The following NUP37 variants were observed in gnomAD, a reference collection of about 807,000 sequenced individuals.
NUP37 encodes the protein nucleoporin Nup37.
NUP37 carries 33 observed loss-of-function variants against 45.4 expected under a neutral mutation model. The observed-to-expected ratio is 0.73, with a 90% confidence interval of 0.55 to 0.97. The LOEUF (loss-of-function observed/expected upper bound fraction) is 0.97. NUP37 is among the 50% of genes least tolerant of loss of function. The probability of loss-of-function intolerance (pLI) is 0.00; values close to 1 mark genes in which losing one functional copy is unlikely to be tolerated. For synonymous variants in NUP37, 127 were observed against 130.7 expected, an observed-to-expected ratio of 0.97 and a Z score of 0.19; for missense variants, 365 against 389.7, an observed-to-expected ratio of 0.94 and a Z score of 0.53.
At chr12:102,100,168 AT>A (rs1421388766) in intron 4 of NUP37, among the ~76,000 whole-genome samples, 1 of 152,204 alleles carries the variant, frequency 6.6e-6, no homozygotes. Context: ...TTTATGTGCC[AT>A]TTATATACTT....
chr12:102,101,653 A>G (rs971633604), intron 3 of NUP37, among the ~76,000 whole-genome samples: 2 of 152,198 alleles, frequency 1.3e-5, no homozygotes, highest in Non-Finnish European at 2.9e-5. Context: ...TTATACTTTA[A>G]ACATTTAAAA....
intron 1 of NUP37, chr12:102,119,096 G>A (rs1460161865): frequency 1.3e-5 from 2 of 152,278 alleles, no homozygotes; most frequent in East Asian, 3.8e-4. Flanking sequence ...TTCATTGTGT[G>A]TGGAGAACCA....
chr12:102,097,605 G>A (rs1431418765), intron 5 of NUP37, among the ~76,000 whole-genome samples: 1 of 152,130 alleles, frequency 6.6e-6, no homozygotes, highest in Non-Finnish European at 1.5e-5. Flanking sequence ...TGTGATCCTA[G>A]GTCTCTCCGG....
At chr12:102,118,312 C>G (rs1483640059) in intron 2 of NUP37, 51 bp downstream of exon 2, 1 of 1,513,806 alleles carries the variant, frequency 6.6e-7, no homozygotes, top group South Asian at 1.3e-5. Flanking sequence ...TGTAAGTTCT[C>G]TTAGTAGTGA....
At chr12:102,114,149 T>C (rs1386077250) in intron 2 of NUP37, among the ~76,000 whole-genome samples, 1 of 152,218 alleles carries the variant, frequency 6.6e-6, no homozygotes, top group African/African-American at 2.4e-5. Context: ...TTAAAATAAG[T>C]TTAGGAGCCT....
intron 6 of NUP37, among the ~76,000 whole-genome samples, chr12:102,084,543 C>T (rs1307629488): frequency 6.6e-6 from 1 of 151,970 alleles, no homozygotes; most frequent in Admixed American, 6.6e-5. Context: ...ACTCGGGAGG[C>T]TGAGATGGGA....
At chr12:102,113,976 G>A (rs546595465) in intron 2 of NUP37, among the ~76,000 whole-genome samples, 1 of 152,016 alleles carries the variant, frequency 6.6e-6, no homozygotes, top group East Asian at 1.9e-4. Context: ...TCAAATTTCA[G>A]GTGAACTTAA....
At chr12:102,081,316 T>C (rs1879326164) in intron 6 of NUP37, among the ~76,000 whole-genome samples, 1 of 152,236 alleles carries the variant, frequency 6.6e-6, no homozygotes, top group African/African-American at 2.4e-5. Flanking sequence ...TTATGACAAA[T>C]CTTTTTTTGG....
At chr12:102,107,359 T>A (rs1008552688) in intron 3 of NUP37, among the ~76,000 whole-genome samples, 2 of 152,196 alleles carry the variant, frequency 1.3e-5, no homozygotes, top group Admixed American at 1.3e-4. Flanking sequence ...TCTAGGCTAG[T>A]CAGCTTCCCT....
chr12:102,081,979 T>C (rs1352768656), intron 6 of NUP37, among the ~76,000 whole-genome samples: 3 of 152,208 alleles, frequency 2.0e-5, no homozygotes, highest in Non-Finnish European at 2.9e-5. Flanking sequence ...ATTACAGGCA[T>C]GAGCCACTGC....
chr12:102,099,327 A>C, intron 4 of NUP37, 127 bp from the exon 5 acceptor site: 1 of 672,340 alleles, frequency 1.5e-6, no homozygotes, highest in South Asian at 1.8e-5. Flanking sequence ...ATATTTCTTA[A>C]GCAATCCGCT....
chr12:102,078,098 C>T (rs1216178326), intron 6 of NUP37, among the ~76,000 whole-genome samples: 5 of 151,252 alleles, frequency 3.3e-5, no homozygotes, highest in East Asian at 1.9e-4. Context: ...GAGGCTGAGG[C>T]GGGCAGATCA....
intron 8 of NUP37, among the ~76,000 whole-genome samples, chr12:102,075,879 C>CTT (rs79312878): frequency 6.9e-6 from 1 of 145,674 alleles, no homozygotes; most frequent in Non-Finnish European, 1.5e-5. Flanking sequence ...TCTCCTCTTA[C>CTT]TTTTTTTTTT....
At chr12:102,100,132 C>T (rs970618367) in intron 4 of NUP37, among the ~76,000 whole-genome samples, 1 of 152,124 alleles carries the variant, frequency 6.6e-6, no homozygotes, top group Non-Finnish European at 1.5e-5. Context: ...TTATAACTAG[C>T]ATATTAACTT....
At chr12:102,076,030 T>C (rs1158687663) in intron 8 of NUP37, among the ~76,000 whole-genome samples, 5 of 152,144 alleles carry the variant, frequency 3.3e-5, no homozygotes, top group East Asian at 1.9e-4. Context: ...GAGCTCTTGA[T>C]GACATTGATG....
chr12:102,119,593 C>A (rs1021546232), intron 1 of NUP37, among the ~76,000 whole-genome samples: 1 of 151,990 alleles, frequency 6.6e-6, no homozygotes. Context: ...ATATCAAGCA[C>A]CTTAAGAGTA....
chr12:102,118,575 G>A lies in NUP37; in HGVS notation c.-57C>T. On this transcript the variant is annotated 5_prime_UTR_variant, in exon 2 of 10. Transcript: ENST00000552283. ...ATTAAATAGCCTTCTACTGGACAAG[G>A]TCACGAAACTGTGGATTAGAGCACA... The A allele has an allele frequency of 6.6e-7, 1 of 1,512,028 alleles. No individual in the cohort carries two copies. 93.7% of individuals were successfully genotyped at this position (1,512,028 alleles called of 1,614,324 possible).
At chr12:102,076,659 G>A (rs1336006931) in intron 8 of NUP37, 138 bp downstream of exon 8, 1 of 635,452 alleles carries the variant, frequency 1.6e-6, no homozygotes, top group Non-Finnish European at 2.7e-6. Flanking sequence ...ACTTAGTCGG[G>A]AAAGTAAAAT....
chr12:102,112,222 GCTT>G lies in NUP37; in HGVS notation c.164_166del (p.Glu55del). On this transcript the variant is annotated inframe_deletion, in exon 3 of 10. Coordinates refer to ENST00000552283, the MANE Select transcript of NUP37 (RefSeq NM_024057.4). ...TTTATACTGAATGCCTTCAACGTCTGCTTCTTCTTCCTAAGCATACACAGTAAA... is the reference window on the plus strand; with the variant it reads ...TTTATACTGAATGCCTTCAACGTCTGCTTCTTCCTAAGCATACACAGTAAA... The G allele has an allele frequency of 6.2e-7, 1 of 1,611,770 alleles. No homozygotes were observed. The highest frequency in any genetic ancestry group is 8.5e-7 in the Non-Finnish European group (1 of 1,178,296).
Sources: gnomAD v4.1 joint callset for allele counts (sites outside exome capture counted in the v4.1 genomes callset) on GRCh38, gnomAD v4.1.1 for gene constraint, MANE v1.5 for transcripts, NCBI Gene and HGNC (gene_info 2026-07-23, HGNC 2026-07-21) for gene names.